AP1S3: variants seen among roughly 807,000 people sequenced by gnomAD.
AP1S3 encodes the protein AP-1 complex subunit sigma-3.
In AP1S3, 10 loss-of-function variants were observed where a neutral mutation model predicts 20.9. The ratio of observed to expected loss-of-function variants is 0.48; its 90% CI spans 0.29 to 0.81. AP1S3 has a LOEUF of 0.81. Among genes scored for constraint, AP1S3 ranks in the 30% least tolerant of loss-of-function variants. AP1S3 has a pLI of 0.08. For missense variants in AP1S3, 154 were observed against 183.8 expected, an observed-to-expected ratio of 0.84 and a Z score of 0.94; for synonymous variants, 41 against 61.5, an observed-to-expected ratio of 0.67 and a Z score of 1.56.
intron 1 of AP1S3, among the ~76,000 whole-genome samples, chr2:223,799,810 T>C (rs1472839658): frequency 1.3e-5 from 2 of 152,162 alleles, no homozygotes; most frequent in African/African-American, 4.8e-5. Context: ...AAAAAAATCT[T>C]CAACAAAATA....
At chr2:223,807,869 T>C (rs991945099) in intron 1 of AP1S3, among the ~76,000 whole-genome samples, 5 of 93,536 alleles carry the variant, frequency 5.3e-5, no homozygotes, top group Non-Finnish European at 1.0e-4. Flanking sequence ...TTTCTTTTCT[T>C]TTTTTTTTTT....
In AP1S3 at chr2:223,820,804, TG is replaced by T. The variant is rs759054990; in HGVS notation, c.3+16643del. On this transcript the variant is annotated intron_variant, in intron 1 of 4. Transcript: ENST00000396654. ...CTCGGGAACTAGATTGCTGACGTTT[TG>T]GGAGTATATGTCTGTTTCCCAAACT... Among the ~76,000 whole-genome samples, 14 of 152,298 alleles carry T rather than the reference TG, an allele frequency of 9.2e-5. No individual in the cohort carries two copies. The East Asian group carries it at 1.3e-3, about 15-fold the overall frequency.
chr2:223,780,306 TATAGAGAGAGAGAG>T (rs1342562039), intron 1 of AP1S3, among the ~76,000 whole-genome samples: 12 of 45,240 alleles, frequency 2.7e-4, no homozygotes, highest in East Asian at 6.5e-4. Flanking sequence ...TATATATATA[TATAGAGAGAGAGAG>T]AGAGAGAGAG....
intron 1 of AP1S3, among the ~76,000 whole-genome samples, chr2:223,832,214 C>T (rs1277101594): frequency 7.0e-6 from 1 of 142,880 alleles, no homozygotes; most frequent in African/African-American, 2.7e-5. Context: ...ATCATTATGT[C>T]TTAAAATGAA....
rs114523857 is a variant in AP1S3 at position 223,835,309 on chromosome 2, G to A, written c.3+2139C>T. On this transcript the variant is annotated intron_variant, in intron 1 of 4. Coordinates refer to ENST00000396654, the MANE Select transcript of AP1S3 (RefSeq NM_001039569.2). Reference sequence around the variant, plus strand: ...TTTGTTGCAAGGATTGAATGAGATCGTGAATATAAAGAGCAGGACATCCTG... The same window carrying A: ...TTTGTTGCAAGGATTGAATGAGATCATGAATATAAAGAGCAGGACATCCTG... Among the ~76,000 whole-genome samples, 978 of 152,284 alleles carry A rather than the reference G, an allele frequency of 6.4e-3. 7 individuals carry two copies. Among genetic ancestry groups the A allele is most frequent in the African/African-American group, 0.022 (923 of 41,546 alleles).
At chr2:223,787,607 C>T (rs1443161446) in intron 1 of AP1S3, among the ~76,000 whole-genome samples, 2 of 152,204 alleles carry the variant, frequency 1.3e-5, no homozygotes, top group Non-Finnish European at 2.9e-5. Flanking sequence ...TACTTGGGGG[C>T]ACCATGTCCC....
chr2:223,765,392 T>C, intron 3 of AP1S3, 42 bp from the exon 4 acceptor site: 1 of 1,575,330 alleles, frequency 6.3e-7, no homozygotes, highest in Admixed American at 1.9e-5. Context: ...CTTGCAGTTG[T>C]ATCAGGGGAA....
chr2:223,763,058 T>C (rs4674815), intron 4 of AP1S3, among the ~76,000 whole-genome samples: 100,900 of 152,080 alleles, frequency 0.66, 34,515 homozygotes, highest in East Asian at 0.82. Context: ...CCAGAATATT[T>C]ACTGACTTCA....
chr2:223,819,183 C>T (rs1691926855), intron 1 of AP1S3, among the ~76,000 whole-genome samples: 1 of 152,164 alleles, frequency 6.6e-6, no homozygotes, highest in Admixed American at 6.6e-5. Flanking sequence ...AAACCACGCC[C>T]AGCCCTGGAC....
intron 3 of AP1S3, among the ~76,000 whole-genome samples, chr2:223,768,150 C>T (rs1203457374): frequency 2.0e-5 from 3 of 152,126 alleles, no homozygotes; most frequent in Non-Finnish European, 4.4e-5. Flanking sequence ...TCTGATTTCC[C>T]GTGCCAGTTC....
chr2:223,776,093 C>T, intron 2 of AP1S3, 84 bp from the exon 3 acceptor site: 1 of 948,094 alleles, frequency 1.1e-6, no homozygotes, highest in South Asian at 1.4e-5. Context: ...ATGCAGTCAC[C>T]TCCTCCCCCG....
At chr2:223,825,223 G>A (rs1344070471) in intron 1 of AP1S3, among the ~76,000 whole-genome samples, 2 of 151,842 alleles carry the variant, frequency 1.3e-5, no homozygotes, top group African/African-American at 4.8e-5. Flanking sequence ...TGAGATAGGA[G>A]AATGGCGTGA....
At chr2:223,811,814 T>G (rs993700225) in intron 1 of AP1S3, among the ~76,000 whole-genome samples, 1 of 152,194 alleles carries the variant, frequency 6.6e-6, no homozygotes, top group Admixed American at 6.5e-5. Context: ...TCTTAAGGCC[T>G]GCTTATTCTC....
At position 223,775,890 on chromosome 2, in the gene AP1S3, A is replaced by G. The variant is rs1690771508; in HGVS notation, c.291+11T>C. 1 of 1,609,150 alleles carries G rather than the reference A, an allele frequency of 6.2e-7. No individual in the cohort carries two copies. Among genetic ancestry groups the G allele is most frequent in the Non-Finnish European group, 8.5e-7 (1 of 1,175,826 alleles). ...CTGTAGCTAATCCTAACCGACAAGGACAACACTTACATTTCCAAAATATTT... is the reference window on the plus strand; with the variant it reads ...CTGTAGCTAATCCTAACCGACAAGGGCAACACTTACATTTCCAAAATATTT... On this transcript the variant is annotated intron_variant, in intron 3 of 4. Transcript: ENST00000396654.
chr2:223,794,371 T>C (rs1056307815), intron 1 of AP1S3, among the ~76,000 whole-genome samples: 2 of 152,008 alleles, frequency 1.3e-5, no homozygotes, highest in African/African-American at 4.8e-5. Context: ...CAATAAAATA[T>C]AAAACAAAAT....
intron 4 of AP1S3, among the ~76,000 whole-genome samples, chr2:223,759,524 G>A (rs1214880692): frequency 6.6e-6 from 1 of 152,130 alleles, no homozygotes; most frequent in Admixed American, 6.5e-5. Context: ...AAATTCTTAA[G>A]AATTTCTTTA....
intron 1 of AP1S3, among the ~76,000 whole-genome samples, chr2:223,834,061 A>G (rs2106045610): frequency 6.6e-6 from 1 of 152,248 alleles, no homozygotes; most frequent in East Asian, 1.9e-4. Flanking sequence ...GGCATGCGCC[A>G]CCACACCCAG....
chr2:223,835,666 A>C (rs1243142574), intron 1 of AP1S3, among the ~76,000 whole-genome samples: 1 of 152,186 alleles, frequency 6.6e-6, no homozygotes, highest in Non-Finnish European at 1.5e-5. Flanking sequence ...AAGAAAAAAA[A>C]ATAATAATAA....
chr2:223,760,618 CCATT>C (rs1483189361), intron 4 of AP1S3, among the ~76,000 whole-genome samples: 1 of 152,140 alleles, frequency 6.6e-6, no homozygotes, highest in Non-Finnish European at 1.5e-5. Context: ...ATCATACAGG[CCATT>C]GGGCCATGCT....
Sources: allele counts gnomAD v4.1 joint callset (sites outside exome capture counted in the v4.1 genomes callset), GRCh38; gene constraint gnomAD v4.1.1; transcripts MANE v1.5; gene names NCBI Gene and HGNC (gene_info 2026-07-23, HGNC 2026-07-21).